ARSF: variants seen among roughly 807,000 people sequenced by gnomAD.
The protein encoded by ARSF is arylsulfatase F.
Under a neutral mutation model 35.4 loss-of-function variants are expected in ARSF, and 33 were observed. The ratio of observed to expected loss-of-function variants is 0.93; its 90% CI spans 0.71 to 1.25. The LOEUF is 1.25. Among genes scored for constraint, ARSF ranks in the 50% most tolerant of loss-of-function variants. The probability of loss-of-function intolerance (pLI) is 0.00; values close to 1 mark genes in which losing one functional copy is unlikely to be tolerated. For synonymous variants in ARSF, 222 were observed against 193.1 expected (o/e 1.15, Z -1.24); for missense variants, 501 against 480.2 (o/e 1.04, Z -0.40).
Position 3,099,210 on chromosome X carries a change from G to A in ARSF, c.968-1877G>A, listed in dbSNP as rs145984981. Among the ~76,000 whole-genome samples the A allele has an allele frequency of 3.5e-3, 396 of 111,704 alleles. 1 individual carries two copies. Among genetic ancestry groups the A allele is most frequent in the African/African-American group, 0.012 (377 of 30,857 alleles). On this transcript the variant is annotated intron_variant, in intron 7 of 10. Transcript: ENST00000381127. ...ATCATCACTGCGAATCATCAAAATC[G>A]GGAAATTAACATGGGTGGATTCTTA...
Position 3,084,581 on chromosome X carries a change from C to G in ARSF, c.745C>G (p.Arg249Gly). The change falls in exon 6 of 11, where the codon CGG (arginine) becomes GGG (glycine). Residue 249 changes from arginine (R) to glycine (G), a missense_variant. Arg to Gly is a moderately radical substitution (Grantham distance 125). Transcript: ENST00000381127. Reference sequence around the variant, plus strand: ...TTTATACTGGGACTGCCTCCTCATGCGGGGGCACGAGATCACGGAGCAGCC... The same window carrying G: ...TTTATACTGGGACTGCCTCCTCATGGGGGGGCACGAGATCACGGAGCAGCC... ...SPLYWDCLLM[R>G]GHEITEQPMK... 8.3e-7 allele frequency: 1 copy of G among 1,210,502 alleles called. No homozygotes were observed. The highest frequency in any genetic ancestry group is 1.1e-6 in the Non-Finnish European group (1 of 894,843).
rs1417225670 is a variant in ARSF, at chrX:3,076,570, G to C, written c.184G>C (p.Ala62Pro). 3 of 1,207,242 alleles carry C rather than the reference G, an allele frequency of 2.5e-6. No homozygotes were observed. The highest frequency in any genetic ancestry group is 5.9e-5 in the East Asian group (2 of 33,709). ...TMRTPHIDRL[A>P]REGVRLTQHI... is the part of the protein sequence containing the mutation. ...CAGGACGCCTCACATCGACCGCCTTGCCAGGGAAGGCGTGCGACTGACTCA... is the reference window on the plus strand; with the variant it reads ...CAGGACGCCTCACATCGACCGCCTTCCCAGGGAAGGCGTGCGACTGACTCA... The change falls in exon 4 of 11, where the codon GCC (alanine) becomes CCC (proline). Residue 62 changes from alanine to proline, a missense_variant. By Grantham distance (27) the Ala-to-Pro change is conservative. Coordinates refer to ENST00000381127, the MANE Select transcript of ARSF (RefSeq NM_001201539.2).
chrX:3,088,913 G>A (rs1027358631), intron 6 of ARSF, among the ~76,000 whole-genome samples: 1 of 110,837 alleles, frequency 9.0e-6, no homozygotes, highest in African/African-American at 3.3e-5. Flanking sequence ...GGGAATCATG[G>A]AGGGTCTTGG....
chrX:3,108,274 A>T (rs1224080209), intron 9 of ARSF, among the ~76,000 whole-genome samples: 1 of 112,006 alleles, frequency 8.9e-6, no homozygotes, highest in Non-Finnish European at 1.9e-5. Context: ...ATTTTAAACC[A>T]TTCTAGGATC....
chrX:3,112,491 C>G lies in ARSF; in HGVS notation c.1708C>G (p.Pro570Ala). ...GCTGAAGCCTTGCTGTGGGGTGTTCCCATTTTGTCTGTGTGACAAGGAAGA... is the reference window on the plus strand; with the variant it reads ...GCTGAAGCCTTGCTGTGGGGTGTTCGCATTTTGTCTGTGTGACAAGGAAGA... ...TWLKPCCGVF[P>A]FCLCDKEEEV... Residue 570 changes from proline (P) to alanine (A), a missense_variant, in exon 11 of 11, where the codon CCA becomes GCA. Physicochemically the swap from Pro to Ala is conservative, Grantham distance 27 (BLOSUM62 -1). Coordinates refer to ENST00000381127, the MANE Select transcript of ARSF (RefSeq NM_001201539.2). 8.3e-7 allele frequency: 1 copy of G among 1,209,563 alleles called. No homozygotes were observed. Among genetic ancestry groups the G allele is most frequent in the African/African-American group, 1.7e-5 (1 of 57,535 alleles).
chrX:3,078,739 A>T (rs1405932472), intron 4 of ARSF, among the ~76,000 whole-genome samples: 1 of 111,413 alleles, frequency 9.0e-6, no homozygotes, highest in Non-Finnish European at 1.9e-5. Context: ...AGCTCAAGTG[A>T]TCGGCCCACC....
At chrX:3,074,298 G>A (rs1157838250) in intron 3 of ARSF, among the ~76,000 whole-genome samples, 1 of 110,836 alleles carries the variant, frequency 9.0e-6, no homozygotes, top group Non-Finnish European at 1.9e-5. Context: ...CCCCAGGAAT[G>A]CAGTTTACAA....
chrX:3,067,991 G>A (rs2090077405), intron 1 of ARSF, 82 bp from the exon 2 acceptor site: 3 of 698,481 alleles, frequency 4.3e-6, no homozygotes, highest in South Asian at 3.1e-5. Context: ...TTCATGCTGG[G>A]AACTAATTTA....
At chrX:3,103,999 C>T in intron 9 of ARSF, 75 bp downstream of exon 9, 3 of 1,095,142 alleles carry the variant, frequency 2.7e-6, no homozygotes, top group Non-Finnish European at 3.7e-6. Context: ...AACAAGGAGA[C>T]TGACTCTATC....
chrX:3,106,307 A>G (rs890874253), intron 9 of ARSF, among the ~76,000 whole-genome samples: 3 of 112,222 alleles, frequency 2.7e-5, no homozygotes, highest in Non-Finnish European at 3.8e-5. Context: ...ACTACTCATC[A>G]GGTTGATTTT....
intron 2 of ARSF, 95 bp from the exon 3 acceptor site, chrX:3,071,931 G>C (rs2090107181): frequency 1.1e-6 from 1 of 916,964 alleles, no homozygotes; most frequent in Non-Finnish European, 1.6e-6. Context: ...AGATCCACGT[G>C]ATCTCCAAAG....
chrX:3,086,546 A>G (rs182749323), intron 6 of ARSF, among the ~76,000 whole-genome samples: 8 of 112,324 alleles, frequency 7.1e-5, no homozygotes, highest in East Asian at 2.8e-4. Context: ...GCTGAGTCCA[A>G]TGGCTCATGC....
chrX:3,093,094 AGGCAGAGCTTGCAGT>A (rs2090310835), intron 7 of ARSF, among the ~76,000 whole-genome samples: 1 of 110,766 alleles, frequency 9.0e-6, no homozygotes, highest in South Asian at 3.9e-4. Context: ...TGAACCTGGG[AGGCAGAGCTTGCAGT>A]GGCCGAGATC....
At chrX:3,045,924 C>T (rs2089973079) in intron 1 of ARSF, among the ~76,000 whole-genome samples, 1 of 110,438 alleles carries the variant, frequency 9.1e-6, no homozygotes, top group African/African-American at 3.3e-5. Context: ...CTCATTTTGC[C>T]CAGGCTGGGG....
intron 2 of ARSF, among the ~76,000 whole-genome samples, chrX:3,070,607 G>A (rs1264531651): frequency 9.0e-6 from 1 of 110,863 alleles, no homozygotes; most frequent in African/African-American, 3.3e-5. Flanking sequence ...AGTTTTTGGG[G>A]AGCAGGTGAT....
chrX:3,073,668 A>C (rs2090125260), intron 3 of ARSF, among the ~76,000 whole-genome samples: 1 of 102,169 alleles, frequency 9.8e-6, no homozygotes, highest in South Asian at 3.8e-4. Flanking sequence ...ATATATAATT[A>C]AATATATAAT....
intron 7 of ARSF, 57 bp from the exon 8 acceptor site, chrX:3,101,030 G>A: frequency 8.9e-7 from 1 of 1,125,679 alleles, no homozygotes; most frequent in Non-Finnish European, 1.2e-6. Flanking sequence ...ATTTGACTTA[G>A]GGGTGAAATA....
chrX:3,075,784 T>C lies in ARSF; in HGVS notation c.162-764T>C, dbSNP rs187806269. ...CTGTCTCTCTCTTTGTCTATCTCACTCTATCCATTTCTTTCTGTGTCTTTC... is the reference window on the plus strand; with the variant it reads ...CTGTCTCTCTCTTTGTCTATCTCACCCTATCCATTTCTTTCTGTGTCTTTC... On this transcript the variant is annotated intron_variant, in intron 3 of 10. Transcript: ENST00000381127. Among the ~76,000 whole-genome samples, 319 of 109,142 alleles carry C rather than the reference T, an allele frequency of 2.9e-3. 3 individuals are homozygous for C. The highest frequency in any genetic ancestry group is 0.01 in the African/African-American group (303 of 29,939). The allele number at this position is 109,142 out of a possible 115,157, so 94.8% of individuals were successfully genotyped here. A position where few individuals can be genotyped will look rare whatever the true frequency, so the allele number is the denominator to read the frequency against.
chrX:3,068,019 A>AATTTT (rs2090077527), intron 1 of ARSF, 54 bp from the exon 2 acceptor site: 2 of 752,426 alleles, frequency 2.7e-6, no homozygotes, highest in Admixed American at 3.4e-5. Flanking sequence ...CATGAATGAT[A>AATTTT]CTTTTTTTTT....
Sources: gnomAD v4.1 joint callset for allele counts (sites outside exome capture counted in the v4.1 genomes callset) on GRCh38, gnomAD v4.1.1 for gene constraint, MANE v1.5 for transcripts, NCBI Gene and HGNC (gene_info 2026-07-23, HGNC 2026-07-21) for gene names.